LRBA: variants seen among roughly 807,000 people sequenced by gnomAD.
LRBA encodes LPS responsive beige-like anchor protein.
Under a neutral mutation model 330.0 loss-of-function variants are expected in LRBA, and 176 were observed. The observed-to-expected ratio is 0.53, with a 90% confidence interval of 0.47 to 0.60. The LOEUF (loss-of-function observed/expected upper bound fraction) is 0.60, where lower values mean the gene tolerates loss of function less well. Ranked by LOEUF, LRBA falls within the 20% of genes least tolerant of loss-of-function variation. The probability of loss-of-function intolerance (pLI) is 0.00; values close to 1 mark genes in which losing one functional copy is unlikely to be tolerated. For missense variants in LRBA, 3,259 were observed against 3,444.8 expected (o/e 0.95, Z 1.35); for synonymous variants, 1,230 against 1,193.0 (o/e 1.03, Z -0.64).
At chr4:151,014,164 C>A in intron 2 of LRBA, 1 of 342,290 alleles carries the variant, frequency 2.9e-6, no homozygotes, top group East Asian at 4.6e-5. Context: ...GAACCTCCCC[C>A]CAATACTTCC....
At chr4:150,637,400 GGCT>G (rs1360350835) in intron 37 of LRBA, among the ~76,000 whole-genome samples, 1 of 151,902 alleles carries the variant, frequency 6.6e-6, no homozygotes, top group Non-Finnish European at 1.5e-5. Flanking sequence ...ACATTGTTTC[GGCT>G]GTTGTGACAG....
chr4:150,984,127 G>A (rs978184203), intron 2 of LRBA, among the ~76,000 whole-genome samples: 6 of 152,096 alleles, frequency 3.9e-5, no homozygotes, highest in East Asian at 1.9e-4. Context: ...ACCACACTAC[G>A]GCCTGCCAAT....
In LRBA at chr4:150,916,481, C is replaced by T. The variant is rs1364049271; in HGVS notation, c.814G>A (p.Gly272Ser). The T allele has an allele frequency of 1.2e-6, 2 of 1,613,790 alleles. No individual in the cohort carries two copies. Among genetic ancestry groups the T allele is most frequent in the South Asian group, 1.1e-5 (1 of 91,068 alleles). ...TTTATTGATGTTACAATCAAACAGC[C>T]TCCAACAAAATGAGCAGAATAGCCA... ...GLGYSAHFVGGCLIVTSIKSK... is the reference protein window; with the variant it reads ...GLGYSAHFVGSCLIVTSIKSK... The change falls in exon 7 of 57, where the codon GGC becomes AGC. Residue 272 changes from glycine (G) to serine (S), a missense_variant. Coordinates refer to ENST00000651943, the MANE Select transcript of LRBA (RefSeq NM_001364905.1).
At chr4:151,002,407 A>T (rs1743471422) in intron 2 of LRBA, among the ~76,000 whole-genome samples, 1 of 151,602 alleles carries the variant, frequency 6.6e-6, no homozygotes, top group Non-Finnish European at 1.5e-5. Context: ...CCCACTAAAA[A>T]TACAAAAATT....
chr4:150,815,298 C>A (rs1242984596), intron 31 of LRBA, among the ~76,000 whole-genome samples: 5 of 147,508 alleles, frequency 3.4e-5, no homozygotes, highest in African/African-American at 1.0e-4. Context: ...GGTGGAGAAG[C>A]GGAAATGTGC....
chr4:150,812,959 G>A (rs1453391911), intron 31 of LRBA, among the ~76,000 whole-genome samples: 1 of 151,932 alleles, frequency 6.6e-6, no homozygotes, highest in African/African-American at 2.4e-5. Flanking sequence ...GGACTTCAAG[G>A]CTTGTCTGGG....
At chr4:150,396,249 C>T (rs771272387) in intron 47 of LRBA, among the ~76,000 whole-genome samples, 1 of 152,150 alleles carries the variant, frequency 6.6e-6, no homozygotes, top group Non-Finnish European at 1.5e-5. Flanking sequence ...CATTAGAGCT[C>T]CTGGTCTGTG....
chr4:150,349,406 AG>A, intron 48 of LRBA, among the ~76,000 whole-genome samples: 1 of 152,346 alleles, frequency 6.6e-6, no homozygotes, highest in East Asian at 1.9e-4. Flanking sequence ...TAATTAGATT[AG>A]AAATACTAAA....
intron 56 of LRBA, among the ~76,000 whole-genome samples, chr4:150,268,742 GA>G (rs1334171673): frequency 6.6e-6 from 1 of 152,158 alleles, no homozygotes; most frequent in Non-Finnish European, 1.5e-5. Flanking sequence ...GGAGTAGAAG[GA>G]AACTACCTCA....
chr4:150,519,309 A>T (rs1241271276), intron 40 of LRBA, among the ~76,000 whole-genome samples: 1 of 152,140 alleles, frequency 6.6e-6, no homozygotes, highest in Non-Finnish European at 1.5e-5. Context: ...CTATGTAATC[A>T]CCATCCTATT....
intron 42 of LRBA, among the ~76,000 whole-genome samples, 175 bp downstream of exon 42, chr4:150,487,557 A>C (rs1392974386): frequency 1.3e-5 from 2 of 151,432 alleles, no homozygotes; most frequent in African/African-American, 2.4e-5. Flanking sequence ...CAGTTTAGTC[A>C]AAAGAAAATA....
intron 2 of LRBA, among the ~76,000 whole-genome samples, chr4:150,950,774 T>C (rs1736751903): frequency 6.6e-6 from 1 of 152,194 alleles, no homozygotes; most frequent in South Asian, 2.1e-4. Flanking sequence ...CTTCCATTTA[T>C]GGAATTCTGA....
chr4:150,839,860 C>T (rs1748781535), intron 28 of LRBA, among the ~76,000 whole-genome samples: 1 of 151,330 alleles, frequency 6.6e-6, no homozygotes, highest in Non-Finnish European at 1.5e-5. Context: ...ACGTTGTGCA[C>T]ATGTACCCTA....
intron 2 of LRBA, among the ~76,000 whole-genome samples, chr4:150,965,750 T>C (rs1231821660): frequency 1.3e-5 from 2 of 151,642 alleles, no homozygotes; most frequent in African/African-American, 4.9e-5. Flanking sequence ...CACCAAGTTG[T>C]CCAGGTTGGT....
Position 150,265,796 on chromosome 4 carries a change from T to C in LRBA, c.8485A>G (p.Met2829Val). ...AATAGCACAATGCTTCCTGAAGCCATGCCAGAAATGATGCACCTAGGAGAA... is the reference window on the plus strand; with the variant it reads ...AATAGCACAATGCTTCCTGAAGCCACGCCAGAAATGATGCACCTAGGAGAA... ...SYDQRCIISGMASGSIVLFYN... is the reference protein window; with the variant it reads ...SYDQRCIISGVASGSIVLFYN... The change falls in exon 57 of 57, where the codon ATG becomes GTG. Residue 2829 changes from methionine to valine, a missense_variant. By Grantham distance (21) the Met-to-Val change is conservative. Coordinates refer to ENST00000651943, the MANE Select transcript of LRBA (RefSeq NM_001364905.1). 1 of 1,612,266 alleles carries C rather than the reference T, an allele frequency of 6.2e-7. No individual in the cohort carries two copies. The highest frequency in any genetic ancestry group is 1.1e-5 in the South Asian group (1 of 91,026).
chr4:150,360,287 C>G (rs754444724), intron 47 of LRBA, among the ~76,000 whole-genome samples: 1 of 150,696 alleles, frequency 6.6e-6, no homozygotes, highest in African/African-American at 2.4e-5. Flanking sequence ...GTCACCATGC[C>G]CAGCCTATAG....
intron 33 of LRBA, among the ~76,000 whole-genome samples, chr4:150,798,718 G>C (rs890657428): frequency 5.3e-5 from 8 of 151,538 alleles, no homozygotes; most frequent in African/African-American, 1.9e-4. Context: ...GTTTCATTTT[G>C]GTTCACCAAA....
chr4:150,880,520 CA>C (rs35835464), intron 17 of LRBA, among the ~76,000 whole-genome samples: 80,679 of 112,906 alleles, frequency 0.71, 29,306 homozygotes, highest in Middle Eastern at 0.86. Flanking sequence ...ACCCTGTCTC[CA>C]AAAAAAAAAA....
At chr4:150,827,217 G>A (rs1297197652) in intron 30 of LRBA, among the ~76,000 whole-genome samples, 1 of 152,146 alleles carries the variant, frequency 6.6e-6, no homozygotes, top group African/African-American at 2.4e-5. Flanking sequence ...CTGGCAGAAG[G>A]GTTCTAATGA....
Sources: allele counts gnomAD v4.1 joint callset (sites outside exome capture counted in the v4.1 genomes callset), GRCh38; gene constraint gnomAD v4.1.1; transcripts MANE v1.5; gene names NCBI Gene and HGNC (gene_info 2026-07-23, HGNC 2026-07-21).